The following GREB1L variants were observed in gnomAD, a reference collection of about 807,000 sequenced individuals.
GREB1L encodes GREB1 like retinoic acid receptor coactivator, also known as GREB1-like protein.
GREB1L carries 17 observed loss-of-function variants against 200.8 expected under a neutral mutation model. That is an observed-to-expected ratio of 0.08 (90% CI 0.06 to 0.13). GREB1L has a LOEUF of 0.13. GREB1L is among the 10% of genes least tolerant of loss of function. The probability of loss-of-function intolerance (pLI) is 1.00; values close to 1 mark genes in which losing one functional copy is unlikely to be tolerated. For synonymous variants in GREB1L, 789 were observed against 893.0 expected, an observed-to-expected ratio of 0.88 and a Z score of 2.08; for missense variants, 1,657 against 2,367.7, an observed-to-expected ratio of 0.70 and a Z score of 6.23.
intron 1 of GREB1L, among the ~76,000 whole-genome samples, chr18:21,340,549 T>C (rs1052061861): frequency 5.9e-5 from 9 of 151,912 alleles, no homozygotes; most frequent in Admixed American, 5.2e-4. Context: ...TTTCTTTTTT[T>C]TTTCTTTTTT....
intron 1 of GREB1L, among the ~76,000 whole-genome samples, chr18:21,318,622 A>T (rs142756411): frequency 6.6e-6 from 1 of 152,344 alleles, no homozygotes; most frequent in Non-Finnish European, 1.5e-5. Flanking sequence ...ATACATTTTC[A>T]TGCATATTCT....
At chr18:21,267,990 G>A (rs2037999935) in intron 1 of GREB1L, among the ~76,000 whole-genome samples, 1 of 152,076 alleles carries the variant, frequency 6.6e-6, no homozygotes, top group Non-Finnish European at 1.5e-5. Context: ...TGCAAATAGG[G>A]GAATATGTTG....
chr18:21,516,060 TTAG>T (rs1169230629), intron 29 of GREB1L, among the ~76,000 whole-genome samples: 7 of 152,136 alleles, frequency 4.6e-5, no homozygotes, highest in Non-Finnish European at 1.0e-4. Flanking sequence ...TTCCTGAATG[TTAG>T]TAGGATTCAG....
At chr18:21,273,533 C>T (rs1207444917) in intron 1 of GREB1L, among the ~76,000 whole-genome samples, 1 of 152,070 alleles carries the variant, frequency 6.6e-6, no homozygotes, top group Non-Finnish European at 1.5e-5. Flanking sequence ...CCTACGCAAA[C>T]AGAAGATAAC....
chr18:21,363,279 T>TCCCCCCC (rs71369899), intron 1 of GREB1L, among the ~76,000 whole-genome samples: 1 of 5,004 alleles, frequency 2.0e-4, no homozygotes, highest in Non-Finnish European at 3.6e-4. Context: ...CCACTCCGCC[T>TCCCCCCC]CCCCCCCGCC....
intron 1 of GREB1L, among the ~76,000 whole-genome samples, chr18:21,245,696 T>TG (rs2143835261): frequency 6.6e-6 from 1 of 151,014 alleles, no homozygotes; most frequent in East Asian, 1.9e-4. Context: ...TGCCTATTCT[T>TG]TTTTTGTTTT....
chr18:21,525,669 A>ATTGT lies in GREB1L; in HGVS notation c.*2850_*2853dup, dbSNP rs1413471333. The stretch of plus-strand genomic sequence containing the variant: ...CTAAAACTAATACAAGGTGTTTGTT[A>ATTGT]TTGTTAATCTCCAGTTAAAACTTCT... On this transcript the variant is annotated 3_prime_UTR_variant, in exon 33 of 33. Transcript: ENST00000424526. Among the ~76,000 whole-genome samples, 1 of 152,158 alleles carries ATTGT rather than the reference A, an allele frequency of 6.6e-6. No individual in the cohort carries two copies. Among genetic ancestry groups the ATTGT allele is most frequent in the Admixed American group, 6.5e-5 (1 of 15,272 alleles).
At chr18:21,430,163 A>G (rs1218059370) in intron 7 of GREB1L, among the ~76,000 whole-genome samples, 5 of 152,004 alleles carry the variant, frequency 3.3e-5, no homozygotes, top group Non-Finnish European at 7.4e-5. Flanking sequence ...ATGTTCAAAT[A>G]CAGTCACATT....
At position 21,439,576 on chromosome 18, in the gene GREB1L, T is replaced by C; in HGVS notation, c.888T>C (p.Thr296=). The stretch of plus-strand genomic sequence containing the variant: ...GGAAGGGCAGTGCATCCAGCTCCAC[T>C]CCAGCCCACACAGGGAATTACTCTT... The part of the protein sequence containing the change: ...HGGKGSASSS[T]PAHTGNYSLS... Residue 296 remains threonine (T), a synonymous_variant, in exon 8 of 33, where the codon ACT becomes ACC. Coordinates refer to ENST00000424526, the MANE Select transcript of GREB1L (RefSeq NM_001142966.3). The C allele has an allele frequency of 1.9e-6, 3 of 1,551,982 alleles. 1 individual carries two copies. Among genetic ancestry groups the C allele is most frequent in the Non-Finnish European group, 1.7e-6 (2 of 1,146,928 alleles).
chr18:21,370,468 G>A (rs533946755), intron 2 of GREB1L, among the ~76,000 whole-genome samples: 2 of 152,206 alleles, frequency 1.3e-5, no homozygotes, highest in African/African-American at 4.8e-5. Flanking sequence ...TTATTTGTCT[G>A]AGAGTCATAC....
chr18:21,321,999 A>G (rs1356660468), intron 1 of GREB1L, among the ~76,000 whole-genome samples: 1 of 152,196 alleles, frequency 6.6e-6, no homozygotes, highest in African/African-American at 2.4e-5. Context: ...ATTTATCATC[A>G]TTGTGGGCTA....
chr18:21,505,857 G>C lies in GREB1L; in HGVS notation c.4276G>C (p.Val1426Leu). 2.6e-6 allele frequency: 4 copies of C among 1,551,946 alleles called. No homozygotes were observed. Among genetic ancestry groups the C allele is most frequent in the Non-Finnish European group, 3.5e-6 (4 of 1,146,950 alleles). The change falls in exon 25 of 33, where the codon GTA becomes CTA. Residue 1426 changes from valine to leucine, a missense_variant. This residue lies in a region of GREB1L where 512 missense variants were observed against 668.3 expected (regional missense o/e 0.77). Transcript: ENST00000424526. ...TGAAGAGCCCAGGAAACGGGAAACTGTATCCATAATGCTGACCAAATATGC... is the reference window on the plus strand; with the variant it reads ...TGAAGAGCCCAGGAAACGGGAAACTCTATCCATAATGCTGACCAAATATGC... ...KVEEPRKRET[V>L]SIMLTKYAAY...
intron 1 of GREB1L, among the ~76,000 whole-genome samples, chr18:21,338,860 G>A (rs2039226902): frequency 1.3e-5 from 2 of 152,170 alleles, no homozygotes; most frequent in Admixed American, 1.3e-4. Context: ...TCATGTCCGT[G>A]GATCAAAAAT....
intron 15 of GREB1L, among the ~76,000 whole-genome samples, chr18:21,467,498 C>G (rs796429912): frequency 2.6e-5 from 4 of 152,242 alleles, no homozygotes; most frequent in African/African-American, 9.6e-5. Flanking sequence ...AAAGATGTTC[C>G]TCATTAGCCA....
intron 1 of GREB1L, among the ~76,000 whole-genome samples, chr18:21,291,193 G>T (rs2038444647): frequency 6.6e-6 from 1 of 152,048 alleles, no homozygotes; most frequent in Non-Finnish European, 1.5e-5. Context: ...CTGAGGACCT[G>T]ACCCATTGTT....
At chr18:21,430,993 A>T (rs1461104138) in intron 7 of GREB1L, among the ~76,000 whole-genome samples, 33 of 118,882 alleles carry the variant, frequency 2.8e-4, no homozygotes, top group Non-Finnish European at 1.7e-4. Flanking sequence ...ATTTTCATTT[A>T]TTTTATTTAT....
At chr18:21,357,628 C>G (rs1359632550) in intron 1 of GREB1L, among the ~76,000 whole-genome samples, 3 of 152,112 alleles carry the variant, frequency 2.0e-5, no homozygotes, top group African/African-American at 7.2e-5. Context: ...ATATTTAAGT[C>G]TATTTTGAGT....
At chr18:21,442,406 T>C (rs2145279798) in intron 10 of GREB1L, among the ~76,000 whole-genome samples, 1 of 152,350 alleles carries the variant, frequency 6.6e-6, no homozygotes, top group Non-Finnish European at 1.5e-5. Flanking sequence ...CCTGGTTGCT[T>C]TATCTGCTAA....
intron 1 of GREB1L, among the ~76,000 whole-genome samples, chr18:21,280,471 TG>T (rs1377201425): frequency 6.6e-6 from 1 of 152,080 alleles, no homozygotes; most frequent in Non-Finnish European, 1.5e-5. Context: ...AAGAACATCT[TG>T]GTTGCCTCTA....
Sources: gnomAD v4.1 joint callset for allele counts (sites outside exome capture counted in the v4.1 genomes callset) on GRCh38, gnomAD v4.1.1 for gene constraint, gnomAD v4.1.1 regional missense constraint, MANE v1.5 for transcripts, NCBI Gene and HGNC (gene_info 2026-07-23, HGNC 2026-07-21) for gene names.